ATRNL1: variants seen among roughly 807,000 people sequenced by gnomAD.
ATRNL1 encodes attractin like 1.
A neutral mutation model predicts 182.7 loss-of-function variants in ATRNL1; 95 were observed. That is an observed-to-expected ratio of 0.52 (90% CI 0.44 to 0.62). The LOEUF is 0.62. ATRNL1 is among the 20% of genes least tolerant of loss of function. ATRNL1 has a pLI of 0.00. For synonymous variants in ATRNL1, 576 were observed against 568.3 expected (o/e 1.01, Z -0.19); for missense variants, 1,471 against 1,679.5 (o/e 0.88, Z 2.17).
chr10:115,347,841 A>G (rs1856046720), intron 19 of ATRNL1, among the ~76,000 whole-genome samples: 1 of 152,162 alleles, frequency 6.6e-6, no homozygotes, highest in Non-Finnish European at 1.5e-5. Context: ...TGTATACTAT[A>G]TATATATGTA....
intron 10 of ATRNL1, among the ~76,000 whole-genome samples, chr10:115,260,456 C>T (rs1851347391): frequency 6.6e-6 from 1 of 152,150 alleles, no homozygotes; most frequent in African/African-American, 2.4e-5. Flanking sequence ...GAAATGGTTC[C>T]ACCTGATCAG....
At chr10:115,717,355 G>A (rs1555056581) in intron 26 of ATRNL1, among the ~76,000 whole-genome samples, 1 of 152,046 alleles carries the variant, frequency 6.6e-6, no homozygotes, top group Non-Finnish European at 1.5e-5. Context: ...TTCAGCTCCT[G>A]TGTGCCTAAT....
At chr10:115,505,580 A>T (rs1850070484) in intron 24 of ATRNL1, among the ~76,000 whole-genome samples, 1 of 152,108 alleles carries the variant, frequency 6.6e-6, no homozygotes, top group South Asian at 2.1e-4. Context: ...GACCCCCAAG[A>T]TATTTTAAAC....
chr10:115,815,747 G>A (rs1308033663), intron 27 of ATRNL1, among the ~76,000 whole-genome samples: 2 of 152,122 alleles, frequency 1.3e-5, no homozygotes, highest in Non-Finnish European at 2.9e-5. Context: ...ATAAGTGGCA[G>A]TAGTGGGAGA....
intron 1 of ATRNL1, among the ~76,000 whole-genome samples, chr10:115,114,342 A>C (rs1844384866): frequency 6.6e-6 from 1 of 152,218 alleles, no homozygotes; most frequent in South Asian, 2.1e-4. Context: ...GGTCTGAGCA[A>C]TGACTTCTTG....
chr10:115,725,996 T>G (rs1212755762), intron 26 of ATRNL1, among the ~76,000 whole-genome samples: 3 of 152,218 alleles, frequency 2.0e-5, no homozygotes, highest in African/African-American at 7.2e-5. Flanking sequence ...TTGTTACTTA[T>G]TAACAGTTGC....
At chr10:115,795,376 C>T (rs1180139538) in intron 27 of ATRNL1, among the ~76,000 whole-genome samples, 6 of 152,034 alleles carry the variant, frequency 3.9e-5, no homozygotes, top group African/African-American at 9.7e-5. Flanking sequence ...GTGATGAACC[C>T]GGTTTCCATT....
intron 2 of ATRNL1, among the ~76,000 whole-genome samples, chr10:115,121,422 T>C (rs1197523832): frequency 6.6e-6 from 1 of 152,220 alleles, no homozygotes; most frequent in Non-Finnish European, 1.5e-5. Context: ...ACATTTTTTA[T>C]TGACTACATT....
intron 27 of ATRNL1, among the ~76,000 whole-genome samples, chr10:115,824,796 G>A (rs571239348): frequency 4.0e-4 from 61 of 152,284 alleles, no homozygotes; most frequent in Admixed American, 9.2e-4. Flanking sequence ...AGGAGCGCTT[G>A]TACACTGTTG....
intron 3 of ATRNL1, among the ~76,000 whole-genome samples, chr10:115,122,568 A>G (rs782457882): frequency 1.3e-5 from 2 of 152,026 alleles, no homozygotes; most frequent in South Asian, 2.1e-4. Flanking sequence ...AAATTTAAGT[A>G]TGGATAAAAG....
chr10:115,606,820 T>C (rs1420750594), intron 26 of ATRNL1, among the ~76,000 whole-genome samples: 2 of 152,014 alleles, frequency 1.3e-5, no homozygotes, highest in African/African-American at 2.4e-5. Flanking sequence ...TTTAAATCAG[T>C]TTATTTTATA....
intron 17 of ATRNL1, among the ~76,000 whole-genome samples, chr10:115,314,391 T>C (rs1475245844): frequency 1.3e-5 from 2 of 152,168 alleles, no homozygotes; most frequent in East Asian, 1.9e-4. Context: ...CCATTGTTTG[T>C]AGTTTTCTTA....
intron 9 of ATRNL1, among the ~76,000 whole-genome samples, chr10:115,230,916 AG>A (rs1564838020): frequency 9.3e-5 from 12 of 129,056 alleles, no homozygotes; most frequent in Admixed American, 7.7e-4. Context: ...AGAGAGAGAG[AG>A]AGAGAAAGAG....
chr10:115,430,894 AC>A (rs1456358632), intron 21 of ATRNL1, among the ~76,000 whole-genome samples: 1 of 152,148 alleles, frequency 6.6e-6, no homozygotes, highest in Non-Finnish European at 1.5e-5. Context: ...CCTCCCCAGA[AC>A]AAAAAATCAT....
At chr10:115,495,861 G>T (rs1554978060) in intron 24 of ATRNL1, among the ~76,000 whole-genome samples, 1 of 152,138 alleles carries the variant, frequency 6.6e-6, no homozygotes, top group South Asian at 2.1e-4. Flanking sequence ...TCGAGTTCAG[G>T]TTCGGAATAT....
chr10:115,393,403 A>G (rs1844128695), intron 19 of ATRNL1, among the ~76,000 whole-genome samples: 1 of 152,178 alleles, frequency 6.6e-6, no homozygotes, highest in African/African-American at 2.4e-5. Context: ...TACTATTGAT[A>G]CTGGAAGAAA....
At chr10:115,191,273 A>G (rs1592235925) in intron 8 of ATRNL1, among the ~76,000 whole-genome samples, 1 of 151,996 alleles carries the variant, frequency 6.6e-6, no homozygotes, top group South Asian at 2.1e-4. Context: ...TTCTATTTTT[A>G]GTTTTTTAGG....
Position 115,667,739 on chromosome 10 carries a change from G to GAA in ATRNL1, c.3796-59507_3796-59506dup, listed in dbSNP as rs746976912. 8.6e-5 allele frequency among the ~76,000 whole-genome samples: 13 copies of GAA among 151,744 alleles called. No homozygotes were observed. The South Asian group carries it at 1.0e-3, about 12-fold the overall frequency. ...GTGTGATCATGACTCAGTGCAGCCT[G>GAA]AAACTCCCGGGGGCTCAAGTGATCC... On this transcript the variant is annotated intron_variant, in intron 26 of 28. Coordinates refer to ENST00000355044, the MANE Select transcript of ATRNL1 (RefSeq NM_207303.4).
chr10:115,240,337 C>T (rs905297204), intron 9 of ATRNL1, among the ~76,000 whole-genome samples: 2 of 151,326 alleles, frequency 1.3e-5, no homozygotes, highest in East Asian at 3.9e-4. Context: ...CTGCAACCTC[C>T]GCCTCCCGGG....
Sources: allele counts gnomAD v4.1 joint callset (sites outside exome capture counted in the v4.1 genomes callset), GRCh38; gene constraint gnomAD v4.1.1; transcripts MANE v1.5; gene names NCBI Gene and HGNC (gene_info 2026-07-23, HGNC 2026-07-21).